The following TESK2 variants were observed in gnomAD, a reference collection of about 807,000 sequenced individuals.
TESK2 encodes the protein testis associated actin remodelling kinase 2.
A neutral mutation model predicts 57.1 loss-of-function variants in TESK2; 39 were observed. That is an observed-to-expected ratio of 0.68 (90% CI 0.53 to 0.89). The LOEUF (loss-of-function observed/expected upper bound fraction) is 0.89, where lower values mean the gene tolerates loss of function less well. Among genes scored for constraint, TESK2 ranks in the 40% least tolerant of loss-of-function variants. The pLI is 0.00. For missense variants in TESK2, 646 were observed against 732.1 expected, an observed-to-expected ratio of 0.88 and a Z score of 1.36; for synonymous variants, 249 against 267.9, an observed-to-expected ratio of 0.93 and a Z score of 0.69.
intron 3 of TESK2, among the ~76,000 whole-genome samples, chr1:45,414,336 C>T (rs2149284508): frequency 6.6e-6 from 1 of 152,274 alleles, no homozygotes; most frequent in South Asian, 2.1e-4. Flanking sequence ...AGGGCAAACC[C>T]ACGTGGCTAA....
intron 2 of TESK2, among the ~76,000 whole-genome samples, chr1:45,434,221 G>A (rs551887475): frequency 5.3e-5 from 8 of 152,064 alleles, no homozygotes; most frequent in South Asian, 2.1e-4. Flanking sequence ...CTCGAACTCC[G>A]GAGCTCAAGC....
chr1:45,454,140 A>C (rs1651979622), intron 2 of TESK2, among the ~76,000 whole-genome samples: 1 of 152,180 alleles, frequency 6.6e-6, no homozygotes, highest in Non-Finnish European at 1.5e-5. Flanking sequence ...AGATTGACTA[A>C]GTGAAATAAG....
intron 1 of TESK2, among the ~76,000 whole-genome samples, chr1:45,486,230 T>C (rs748927171): frequency 1.3e-5 from 2 of 152,218 alleles, no homozygotes; most frequent in African/African-American, 2.4e-5. Context: ...AATGTAATAA[T>C]TGGGCTTCAT....
At chr1:45,455,860 A>G (rs1186845906) in intron 2 of TESK2, among the ~76,000 whole-genome samples, 2 of 151,954 alleles carry the variant, frequency 1.3e-5, no homozygotes, top group African/African-American at 4.8e-5. Context: ...TTTTGGTCCA[A>G]AAAAAAACAA....
chr1:45,429,419 T>G (rs1327084779), intron 2 of TESK2, among the ~76,000 whole-genome samples: 1 of 152,082 alleles, frequency 6.6e-6, no homozygotes, highest in Non-Finnish European at 1.5e-5. Flanking sequence ...AAAAAAATTT[T>G]TTTTTTAAAC....
chr1:45,400,467 G>A (rs770326883), intron 3 of TESK2, among the ~76,000 whole-genome samples: 1 of 152,152 alleles, frequency 6.6e-6, no homozygotes, highest in Non-Finnish European at 1.5e-5. Context: ...CGTTATGATA[G>A]CCACAGAAAA....
At chr1:45,471,285 G>A (rs576983301) in intron 1 of TESK2, among the ~76,000 whole-genome samples, 4 of 152,194 alleles carry the variant, frequency 2.6e-5, no homozygotes, top group East Asian at 1.9e-4. Context: ...ACTCTTAATC[G>A]CTATGTTAAT....
In TESK2 at chr1:45,406,165, A is replaced by G. The variant is rs577053573; in HGVS notation, c.344+15560T>C. Reference sequence around the variant, plus strand: ...AAGAATTGCTTGAGCCAGGGGTTGGAGGCTGCAATGAGCTGTGATCATGCC... The same window carrying G: ...AAGAATTGCTTGAGCCAGGGGTTGGGGGCTGCAATGAGCTGTGATCATGCC... On this transcript the variant is annotated intron_variant, in intron 3 of 10. Coordinates refer to ENST00000372086, the MANE Select transcript of TESK2 (RefSeq NM_007170.3). 4.6e-5 allele frequency among the ~76,000 whole-genome samples: 7 copies of G among 152,242 alleles called. No individual in the cohort carries two copies. The East Asian group carries it at 1.4e-3, about 29-fold the overall frequency.
At chr1:45,347,174 T>G in intron 7 of TESK2, 112 bp from the exon 8 acceptor site, 1 of 849,816 alleles carries the variant, frequency 1.2e-6, no homozygotes, top group Non-Finnish European at 1.9e-6. Flanking sequence ...GCCTGGGCCA[T>G]ATTGCCCATA....
intron 1 of TESK2, among the ~76,000 whole-genome samples, chr1:45,472,200 C>T (rs796902734): frequency 5.4e-5 from 8 of 148,394 alleles, no homozygotes; most frequent in African/African-American, 1.2e-4. Context: ...TGCAGTGAGC[C>T]GAGATAGTGC....
rs138947275 is a variant in TESK2, at chr1:45,374,092, T to C, written c.393+11820A>G. ...ATTAGCTAGAAATCCTCTGAAGAAC[T>C]TTCTAAATCCTTCTGCTGTCCTCAT... On this transcript the variant is annotated intron_variant, in intron 4 of 10. Coordinates refer to ENST00000372086, the MANE Select transcript of TESK2 (RefSeq NM_007170.3). Among the ~76,000 whole-genome samples, 792 of 152,308 alleles carry C rather than the reference T, an allele frequency of 5.2e-3. 7 individuals are homozygous for C. The highest frequency in any genetic ancestry group is 0.018 in the African/African-American group (750 of 41,568).
At chr1:45,486,282 A>C (rs764994088) in intron 1 of TESK2, among the ~76,000 whole-genome samples, 3 of 152,214 alleles carry the variant, frequency 2.0e-5, no homozygotes, top group Non-Finnish European at 2.9e-5. Flanking sequence ...CCTTTACCAT[A>C]GGTTTCAAAT....
chr1:45,405,245 T>G (rs1429965487), intron 3 of TESK2, among the ~76,000 whole-genome samples: 1 of 152,126 alleles, frequency 6.6e-6, no homozygotes, highest in African/African-American at 2.4e-5. Flanking sequence ...TTTATCCAAC[T>G]GCCAAGTTGA....
intron 4 of TESK2, among the ~76,000 whole-genome samples, chr1:45,381,137 T>C: frequency 6.6e-6 from 1 of 152,186 alleles, no homozygotes; most frequent in Middle Eastern, 3.2e-3. Flanking sequence ...ATTCTGCCCA[T>C]AGTGGGAGTT....
intron 1 of TESK2, among the ~76,000 whole-genome samples, chr1:45,467,408 G>A (rs1028761697): frequency 6.6e-6 from 1 of 151,582 alleles, no homozygotes; most frequent in African/African-American, 2.4e-5. Context: ...ACAGTGGTGC[G>A]ATCATGGCTC....
chr1:45,385,998 G>A lies in TESK2; in HGVS notation c.345-38C>T, dbSNP rs1648877317. The stretch of plus-strand genomic sequence containing the variant: ...ACAGAATTATTTAACAAGTGAAAAG[G>A]ACACAAATATAAATTCATATAGAGA... On this transcript the variant is annotated intron_variant, in intron 3 of 10. Transcript: ENST00000372086. The A allele has an allele frequency of 2.7e-6, 4 of 1,500,818 alleles. No homozygotes were observed. In the South Asian group the frequency reaches 3.5e-5, roughly 13 times the overall value. The allele number at this position is 1,500,818 out of a possible 1,614,324, so 93.0% of individuals were successfully genotyped here.
intron 3 of TESK2, among the ~76,000 whole-genome samples, chr1:45,387,778 G>A (rs1297987438): frequency 3.9e-5 from 6 of 152,136 alleles, no homozygotes; most frequent in Non-Finnish European, 7.4e-5. Context: ...AGGCCAAGGC[G>A]GGTGGATCAC....
intron 1 of TESK2, among the ~76,000 whole-genome samples, chr1:45,458,219 A>G (rs1342406180): frequency 6.6e-6 from 1 of 152,214 alleles, no homozygotes; most frequent in Non-Finnish European, 1.5e-5. Context: ...TGATATAAGG[A>G]TTATTATGTT....
chr1:45,457,010 T>C (rs1652135438), intron 2 of TESK2, among the ~76,000 whole-genome samples: 1 of 152,156 alleles, frequency 6.6e-6, no homozygotes, highest in Admixed American at 6.5e-5. Context: ...TATGGGCTCA[T>C]ATTTTTTGAG....
Sources: gnomAD v4.1 joint callset for allele counts (sites outside exome capture counted in the v4.1 genomes callset) on GRCh38, gnomAD v4.1.1 for gene constraint, MANE v1.5 for transcripts, NCBI Gene and HGNC (gene_info 2026-07-23, HGNC 2026-07-21) for gene names.